EXOC3L4: variants seen among roughly 807,000 people sequenced by gnomAD.
EXOC3L4 encodes exocyst complex component 3-like protein 4.
A neutral mutation model predicts 69.7 loss-of-function variants in EXOC3L4; 62 were observed. The observed-to-expected ratio is 0.89, with a 90% CI of 0.72 to 1.10. The LOEUF (loss-of-function observed/expected upper bound fraction) is 1.10. Among genes scored for constraint, EXOC3L4 ranks in the 50% least tolerant of loss-of-function variants. The pLI is 0.00. For synonymous variants in EXOC3L4, 502 were observed against 464.2 expected (o/e 1.08, Z -1.05); for missense variants, 1,087 against 1,034.8 (o/e 1.05, Z -0.69).
At chr14:103,102,069 C>G (rs2139479004) in intron 2 of EXOC3L4, 49 bp from the exon 3 acceptor site, 1 of 1,537,990 alleles carries the variant, frequency 6.5e-7, no homozygotes, top group South Asian at 1.2e-5. Flanking sequence ...CGTCCAGGTT[C>G]GGGTCTTGGG....
Position 103,102,184 on chromosome 14 carries a change from G to A in EXOC3L4, c.461G>A (p.Arg154His), listed in dbSNP as rs1448487541. Reference protein sequence around the residue: ...QLLAAFEQLLRLETLLVAEKA... With the variant: ...QLLAAFEQLLHLETLLVAEKA... ...CTGGCGGCCTTCGAACAGCTTCTGCGCCTGGAGACGCTGCTGGTGGCCGAG... is the reference window on the plus strand; with the variant it reads ...CTGGCGGCCTTCGAACAGCTTCTGCACCTGGAGACGCTGCTGGTGGCCGAG... The change falls in exon 3 of 12, where the codon CGC (arginine) becomes CAC (histidine). Residue 154 changes from arginine to histidine, a missense_variant. Transcript: ENST00000688303. 3 of 1,601,564 alleles carry A rather than the reference G, an allele frequency of 1.9e-6. No individual in the cohort carries two copies. Among genetic ancestry groups the A allele is most frequent in the Admixed American group, 3.4e-5 (2 of 58,832 alleles).
rs1889965546 is a variant in EXOC3L4 at position 103,097,827 on chromosome 14, G to A, written c.-16-2377G>A. ...CTGGAGGCTGGGCGTGCAGCCGGGAGGACAGAGAAGAAGCTGGGTGGGGTG... is the reference window on the plus strand; with the variant it reads ...CTGGAGGCTGGGCGTGCAGCCGGGAAGACAGAGAAGAAGCTGGGTGGGGTG... On this transcript the variant is annotated intron_variant, in intron 1 of 11. Coordinates refer to ENST00000688303, the MANE Select transcript of EXOC3L4 (RefSeq NM_001077594.2). This position sits in a 1 kb window ranked among gnomAD's most constrained non-coding sequence, Gnocchi z 4.9. Among the ~76,000 whole-genome samples, 1 of 152,082 alleles carries A rather than the reference G, an allele frequency of 6.6e-6. No individual in the cohort carries two copies. Among genetic ancestry groups the A allele is most frequent in the South Asian group, 2.1e-4 (1 of 4,820 alleles).
rs1370140490 is a variant in EXOC3L4 at position 103,102,459 on chromosome 14, G to C, written c.736G>C (p.Glu246Gln). 2 of 1,465,180 alleles carry C rather than the reference G, an allele frequency of 1.4e-6. No homozygotes were observed. The highest frequency in any genetic ancestry group is 8.9e-7 in the Non-Finnish European group (1 of 1,120,110). The allele number at this position is 1,465,180 out of a possible 1,614,324, so 90.8% of individuals were successfully genotyped here. Residue 246 changes from glutamate (E) to glutamine (Q), a missense_variant, in exon 3 of 12, where the codon GAG (glutamate) becomes CAG (glutamine). Coordinates refer to ENST00000688303, the MANE Select transcript of EXOC3L4 (RefSeq NM_001077594.2). Reference sequence around the variant, plus strand: ...GCCGCGCCGCTGGCGCCAGCACTGGGAGGAGGCGGTGCGGCGAAGCGCTCA... The same window carrying C: ...GCCGCGCCGCTGGCGCCAGCACTGGCAGGAGGCGGTGCGGCGAAGCGCTCA... ...RTPRRWRQHW[E>Q]EAVRRSAQER...
chr14:103,106,227 C>T (rs981525846), intron 7 of EXOC3L4, among the ~76,000 whole-genome samples: 4 of 152,244 alleles, frequency 2.6e-5, no homozygotes, highest in Admixed American at 6.5e-5. Context: ...AAATCCAAAG[C>T]ATGACCATCA....
chr14:103,100,498 C>T lies in EXOC3L4; in HGVS notation c.279C>T (p.Asp93=), dbSNP rs2297066. 1.3e-5 allele frequency: 21 copies of T among 1,612,660 alleles called. No individual in the cohort carries two copies. Among genetic ancestry groups the T allele is most frequent in the Admixed American group, 6.7e-5 (4 of 59,932 alleles). ...LFRSFRQALN[D]GPATGHSQAT... is the part of the protein sequence containing the mutation. ...GGTCCTTCCGGCAAGCCCTGAATGACGGCCCAGCTACCGGCCATTCCCAGG... is the reference window on the plus strand; with the variant it reads ...GGTCCTTCCGGCAAGCCCTGAATGATGGCCCAGCTACCGGCCATTCCCAGG... Residue 93 remains aspartate (D), a synonymous_variant, in exon 2 of 12, where the codon GAC becomes GAT. Coordinates refer to ENST00000688303, the MANE Select transcript of EXOC3L4 (RefSeq NM_001077594.2).
rs760572348 is a variant in EXOC3L4 at position 103,109,989 on chromosome 14, C to T, written c.1977-42C>T. On this transcript the variant is annotated intron_variant, in intron 11 of 11. Transcript: ENST00000688303. ...CCTCATGCTGGGGCTGGGGGTGTTG[C>T]GGAGGTGTAGGTCTGCAGTGAGTGC... is the stretch of plus-strand genomic sequence containing the variant. 1.0e-5 allele frequency: 16 copies of T among 1,531,276 alleles called. No individual in the cohort carries two copies. In the South Asian group the frequency reaches 1.2e-4, roughly 12 times the overall value. The allele number at this position is 1,531,276 out of a possible 1,614,324, so 94.9% of individuals were successfully genotyped here. A position where few individuals can be genotyped will look rare whatever the true frequency, so the allele number is the denominator to read the frequency against.
At chr14:103,105,467 TGTG>T (rs1283576674) in intron 7 of EXOC3L4, among the ~76,000 whole-genome samples, 1 of 151,484 alleles carries the variant, frequency 6.6e-6, no homozygotes, top group African/African-American at 2.4e-5. Flanking sequence ...GCGTGTGTCT[TGTG>T]TGTGTGTGTC....
intron 1 of EXOC3L4, among the ~76,000 whole-genome samples, chr14:103,098,063 G>C (rs1042268447): frequency 6.6e-6 from 1 of 152,110 alleles, no homozygotes; most frequent in Non-Finnish European, 1.5e-5. Flanking sequence ...CTGCAGGGTC[G>C]AAGGTGGCAT....
rs199751870 is a variant in EXOC3L4 at position 103,107,415 on chromosome 14, T to A, written c.1582-9T>A. Reference sequence around the variant, plus strand: ...CACATTTGCAGACTCCCAGCCCCTCTGTCCCCAGCCGCTCTTCAGGGTTGT... The same window carrying A: ...CACATTTGCAGACTCCCAGCCCCTCAGTCCCCAGCCGCTCTTCAGGGTTGT... On this transcript the variant is annotated splice_polypyrimidine_tract_variant and intron_variant, in intron 8 of 11. Transcript: ENST00000688303. 1.9e-4 allele frequency: 303 copies of A among 1,612,262 alleles called. 7 individuals are homozygous for A. In the South Asian group the frequency reaches 3.2e-3, roughly 17 times the overall value.
chr14:103,105,194 G>A (rs975874142), intron 7 of EXOC3L4, 122 bp downstream of exon 7: 9 of 973,834 alleles, frequency 9.2e-6, no homozygotes, highest in African/African-American at 3.3e-5. Context: ...GTGTGTGTGT[G>A]TGTTTGTGTC....
At chr14:103,096,168 CATA>C (rs1566943507) in intron 1 of EXOC3L4, among the ~76,000 whole-genome samples, 1 of 152,068 alleles carries the variant, frequency 6.6e-6, no homozygotes, top group Non-Finnish European at 1.5e-5. Context: ...CCTGGGCACA[CATA>C]ATGAGACCCC....
rs1199462423 is a variant in EXOC3L4 at position 103,108,400 on chromosome 14, C to T, written c.1859C>T (p.Ser620Phe). 1 of 1,613,250 alleles carries T rather than the reference C, an allele frequency of 6.2e-7. No individual in the cohort carries two copies. The highest frequency in any genetic ancestry group is 1.3e-5 in the African/African-American group (1 of 74,894). Residue 620 changes from serine (S) to phenylalanine (F), a missense_variant, in exon 11 of 12, where the codon TCC becomes TTC. Transcript: ENST00000688303. ...AISDTFQGLG[S>F]EATWLDQAIQ... ...GGCGGTGGCTCTGTCTCGCAGGGTT[C>T]CGAGGCCACATGGTTGGACCAAGCC... is the stretch of plus-strand genomic sequence containing the variant.
At position 103,102,264 on chromosome 14, in the gene EXOC3L4, G is replaced by C. The variant is rs1267947211; in HGVS notation, c.541G>C (p.Asp181His). Residue 181 changes from aspartate (D) to histidine (H), a missense_variant, in exon 3 of 12, where the codon GAC (aspartate) becomes CAC (histidine). Transcript: ENST00000688303. Reference protein sequence around the residue: ...DPTAFARRAMDVCLLYDGLAA... With the variant: ...DPTAFARRAMHVCLLYDGLAA... ...TACGGCCTTCGCGCGGCGCGCTATG[G>C]ACGTGTGCCTGCTTTACGACGGGCT... The C allele has an allele frequency of 1.9e-6, 3 of 1,587,026 alleles. No individual in the cohort carries two copies. Among genetic ancestry groups the C allele is most frequent in the Non-Finnish European group, 2.6e-6 (3 of 1,169,114 alleles).
rs1044434278 is a variant in EXOC3L4, at chr14:103,110,197, A to G, written c.2143A>G (p.Met715Val). The G allele has an allele frequency of 2.6e-6, 4 of 1,514,014 alleles. No homozygotes were observed. The highest frequency in any genetic ancestry group is 3.5e-6 in the Non-Finnish European group (4 of 1,128,758). The allele number at this position is 1,514,014 out of a possible 1,614,324, so 93.8% of individuals were successfully genotyped here. A position where few individuals can be genotyped will look rare whatever the true frequency, so the allele number is the denominator to read the frequency against. ...LFEEIKVPSA[M>V]AVLITCV ...CGAGGAGATCAAGGTGCCCAGTGCC[A>G]TGGCTGTGCTGATCACCTGCGTCTA... The change falls in exon 12 of 12, where the codon ATG (methionine) becomes GTG (valine). Residue 715 changes from methionine to valine, a missense_variant. Coordinates refer to ENST00000688303, the MANE Select transcript of EXOC3L4 (RefSeq NM_001077594.2).
intron 7 of EXOC3L4, 111 bp downstream of exon 7, chr14:103,105,183 A>AGTGT: frequency 9.6e-7 from 1 of 1,039,658 alleles, no homozygotes; most frequent in Non-Finnish European, 1.4e-6. Flanking sequence ...AGAGGTGAGG[A>AGTGT]GTGTGTGTGT....
chr14:103,105,459 G>A (rs567890797), intron 7 of EXOC3L4, among the ~76,000 whole-genome samples: 6 of 152,052 alleles, frequency 3.9e-5, no homozygotes, highest in East Asian at 1.9e-4. Flanking sequence ...GCCTAGATGC[G>A]TGTGTCTTGT....
At chr14:103,103,514 T>C (rs1890341305) in intron 3 of EXOC3L4, 1 of 168,946 alleles carries the variant, frequency 5.9e-6, no homozygotes, top group African/African-American at 2.4e-5. Context: ...GCGGAGCGGT[T>C]CCCAGCCCCA....
At chr14:103,096,103 G>T (rs1325781174) in intron 1 of EXOC3L4, among the ~76,000 whole-genome samples, 4 of 152,194 alleles carry the variant, frequency 2.6e-5, no homozygotes, top group Non-Finnish European at 2.9e-5. Flanking sequence ...TGTAATCCCA[G>T]CACTTTGGGA....
At chr14:103,103,354 C>CAAAAAAA (rs3070496) in intron 3 of EXOC3L4, among the ~76,000 whole-genome samples, 12,894 of 94,188 alleles carry the variant, frequency 0.14, 1,020 homozygotes, top group East Asian at 0.3. Flanking sequence ...GACTCTGTCT[C>CAAAAAAA]AAAAAAAAAA....
Sources: gnomAD v4.1 joint callset for allele counts (sites outside exome capture counted in the v4.1 genomes callset) on GRCh38, gnomAD v4.1.1 for gene constraint, Gnocchi (gnomAD v3.1) non-coding constraint, MANE v1.5 for transcripts, NCBI Gene and HGNC (gene_info 2026-07-23, HGNC 2026-07-21) for gene names.